KIF1B: variants seen among roughly 807,000 people sequenced by gnomAD.
The protein encoded by KIF1B is kinesin family member 1B.
Under a neutral mutation model 241.9 loss-of-function variants are expected in KIF1B, and 76 were observed. The observed-to-expected ratio is 0.31, with a 90% CI of 0.26 to 0.38. KIF1B has a LOEUF of 0.38. KIF1B is among the 10% of genes least tolerant of loss of function. The pLI is 1.00. For synonymous variants in KIF1B, 750 were observed against 796.7 expected, an observed-to-expected ratio of 0.94 and a Z score of 0.99; for missense variants, 1,622 against 2,271.4, an observed-to-expected ratio of 0.71 and a Z score of 5.81.
chr1:10,230,319 GA>G (rs1488237093), intron 1 of KIF1B, among the ~76,000 whole-genome samples: 1 of 152,124 alleles, frequency 6.6e-6, no homozygotes, highest in African/African-American at 2.4e-5. Context: ...CTGATAATTG[GA>G]TTCGTAATTA....
intron 1 of KIF1B, among the ~76,000 whole-genome samples, chr1:10,214,131 A>G (rs935772516): frequency 6.6e-6 from 1 of 152,130 alleles, no homozygotes; most frequent in Non-Finnish European, 1.5e-5. Context: ...TAAAAATAAA[A>G]AGATGCCTTG....
chr1:10,372,691 G>T (rs1294066604), intron 45 of KIF1B, among the ~76,000 whole-genome samples: 2 of 130,524 alleles, frequency 1.5e-5, no homozygotes, highest in African/African-American at 2.8e-5. Flanking sequence ...GCGCAGCGGC[G>T]CAATCTCGGC....
chr1:10,321,183 AAC>A (rs1408143565), intron 23 of KIF1B, among the ~76,000 whole-genome samples: 2 of 151,258 alleles, frequency 1.3e-5, no homozygotes, highest in African/African-American at 4.9e-5. Context: ...GGCTCACTGC[AAC>A]CTCTGCTTCC....
At chr1:10,322,588 A>G (rs1292829017) in intron 24 of KIF1B, among the ~76,000 whole-genome samples, 2 of 152,216 alleles carry the variant, frequency 1.3e-5, no homozygotes, top group Non-Finnish European at 2.9e-5. Context: ...ACAGTGGAAG[A>G]CCATATTGTG....
At chr1:10,357,941 G>A (rs1165889735) in intron 38 of KIF1B, among the ~76,000 whole-genome samples, 14 of 151,216 alleles carry the variant, frequency 9.3e-5, no homozygotes, top group South Asian at 4.2e-4. Flanking sequence ...CCCGGGAGGC[G>A]GAGGTTGCAG....
intron 22 of KIF1B, chr1:10,304,553 A>C: frequency 6.2e-7 from 1 of 1,614,130 alleles, no homozygotes; most frequent in Non-Finnish European, 8.5e-7. Flanking sequence ...CAGACTGACA[A>C]ACCCAGCCAC....
At chr1:10,329,031 A>G (rs1007233719) in intron 27 of KIF1B, among the ~76,000 whole-genome samples, 3 of 152,188 alleles carry the variant, frequency 2.0e-5, no homozygotes, top group Non-Finnish European at 2.9e-5. Flanking sequence ...GGATACATGT[A>G]TTGTTTTCTC....
In KIF1B at chr1:10,292,433, C is replaced by T. The variant is rs372770800; in HGVS notation, c.1590+311C>T. On this transcript the variant is annotated intron_variant, in intron 17 of 48. Coordinates refer to ENST00000676179, the MANE Select transcript of KIF1B (RefSeq NM_001365951.3). ...CTCTTAAATTCCCAGCCTAACCTAGCGTACTTTCAGTTTTGGCTACTCTTT... is the reference window on the plus strand; with the variant it reads ...CTCTTAAATTCCCAGCCTAACCTAGTGTACTTTCAGTTTTGGCTACTCTTT... 38 of 320,994 alleles carry T rather than the reference C, an allele frequency of 1.2e-4. No individual in the cohort carries two copies. The East Asian group carries it at 1.7e-3, about 14-fold the overall frequency. 19.9% of individuals were successfully genotyped at this position (320,994 alleles called of 1,614,324 possible).
intron 5 of KIF1B, 73 bp from the exon 6 acceptor site, chr1:10,267,307 C>T (rs1039214172): frequency 1.3e-5 from 17 of 1,329,886 alleles, no homozygotes; most frequent in South Asian, 3.6e-5. Context: ...GGATTACAGG[C>T]GTGAGCCACC....
At chr1:10,285,225 G>C (rs944584866) in intron 15 of KIF1B, among the ~76,000 whole-genome samples, 2 of 152,062 alleles carry the variant, frequency 1.3e-5, no homozygotes, top group Admixed American at 6.5e-5. Context: ...TTTTCTTTGG[G>C]GATCTTAAGT....
Position 10,368,479 on chromosome 1 carries a change from C to T in KIF1B, c.4765C>T (p.Leu1589Phe), listed in dbSNP as rs1231783272. Reference sequence around the variant, plus strand: ...TTCTCTTCTTTAGTGCCTGCAACTTCTCACCCACACTTTCAACAGAGAATT... The same window carrying T: ...TTCTCTTCTTTAGTGCCTGCAACTTTTCACCCACACTTTCAACAGAGAATT... The part of the protein sequence containing the change: ...KELATKCLQL[L>F]THTFNREFSQ... Residue 1589 changes from leucine (L) to phenylalanine (F), a missense_variant, in exon 44 of 49, where the codon CTC becomes TTC. Transcript: ENST00000676179. 4 of 1,613,912 alleles carry T rather than the reference C, an allele frequency of 2.5e-6. 1 individual carries two copies. The South Asian group carries it at 4.4e-5, about 18-fold the overall frequency.
intron 15 of KIF1B, among the ~76,000 whole-genome samples, chr1:10,282,743 G>C (rs1441368264): frequency 6.6e-6 from 1 of 151,530 alleles, no homozygotes; most frequent in Non-Finnish European, 1.5e-5. Context: ...TGGGAGAAGT[G>C]CATGGGCAGT....
chr1:10,346,566 T>C (rs756386139), intron 35 of KIF1B, among the ~76,000 whole-genome samples: 2 of 152,116 alleles, frequency 1.3e-5, no homozygotes, highest in African/African-American at 4.8e-5. Context: ...GGTTTCACCA[T>C]GTTGGCCAGG....
intron 22 of KIF1B, chr1:10,304,716 G>A: frequency 6.3e-7 from 1 of 1,594,622 alleles, no homozygotes; most frequent in Non-Finnish European, 8.5e-7. Context: ...ATTTGATTTG[G>A]TTCTACCTTT....
At chr1:10,308,737 A>C in intron 22 of KIF1B, 1 of 650,902 alleles carries the variant, frequency 1.5e-6, no homozygotes, top group Non-Finnish European at 1.9e-6. Context: ...TTTCTATGTG[A>C]ACTTGATTAG....
At chr1:10,323,781 T>G (rs1651613772) in intron 24 of KIF1B, 103 bp from the exon 25 acceptor site, 1 of 913,450 alleles carries the variant, frequency 1.1e-6, no homozygotes, top group Non-Finnish European at 1.8e-6. Flanking sequence ...AGATATTTGT[T>G]GAGCACATTC....
intron 22 of KIF1B, among the ~76,000 whole-genome samples, chr1:10,302,638 C>T (rs1353591984): frequency 2.0e-5 from 3 of 152,172 alleles, no homozygotes; most frequent in African/African-American, 4.8e-5. Flanking sequence ...TCCGCCTGCT[C>T]GTCACATCTT....
rs199911688 is a variant in KIF1B at position 10,295,050 on chromosome 1, C to T, written c.1591-36C>T. On this transcript the variant is annotated intron_variant, in intron 17 of 48. Coordinates refer to ENST00000676179, the MANE Select transcript of KIF1B (RefSeq NM_001365951.3). ...TTGTTACCACAGCTCTCTCATGGTG[C>T]CCTGCTCCAAATTGATCATCTGTAA... The T allele has an allele frequency of 1.8e-4, 246 of 1,375,262 alleles. No homozygotes were observed. In the African/African-American group the frequency reaches 3.2e-3, roughly 18 times the overall value. The allele number at this position is 1,375,262 out of a possible 1,614,324, so 85.2% of individuals were successfully genotyped here.
chr1:10,279,099 G>T lies in KIF1B; in HGVS notation c.1183G>T (p.Asp395Tyr). ...AQGLGDIIDI[D>Y]PLIDDYSGSG... The stretch of plus-strand genomic sequence containing the variant: ...TTTTCCCTCCTGCTTACCTTCAGTT[G>T]ATCCATTGATCGATGATTACTCTGG... The change falls in exon 14 of 49, where the codon GAT becomes TAT. Residue 395 changes from aspartate to tyrosine, a missense_variant and splice_region_variant. Asp to Tyr is a radical substitution (Grantham distance 160). Around this residue, in one of 7 missense-constraint regions of KIF1B, gnomAD observed 201 missense variants for 301.2 expected, o/e 0.67. Transcript: ENST00000676179. 1 of 1,545,994 alleles carries T rather than the reference G, an allele frequency of 6.5e-7. No individual in the cohort carries two copies. Among genetic ancestry groups the T allele is most frequent in the Non-Finnish European group, 8.7e-7 (1 of 1,142,968 alleles).
Sources: allele counts gnomAD v4.1 joint callset (sites outside exome capture counted in the v4.1 genomes callset), GRCh38; gene constraint gnomAD v4.1.1; regional missense constraint gnomAD v4.1.1; transcripts MANE v1.5; gene names NCBI Gene and HGNC (gene_info 2026-07-23, HGNC 2026-07-21).